OSTM1: variants seen among roughly 807,000 people sequenced by gnomAD.
OSTM1 encodes the protein osteoclastogenesis associated transmembrane protein 1.
Under a neutral mutation model 35.4 loss-of-function variants are expected in OSTM1, and 26 were observed. The ratio of observed to expected loss-of-function variants is 0.73; its 90% confidence interval spans 0.54 to 1.02. OSTM1 has a LOEUF of 1.02. Among genes scored for constraint, OSTM1 ranks in the 50% least tolerant of loss-of-function variants. The probability of loss-of-function intolerance (pLI) is 0.00; values close to 1 mark genes in which losing one functional copy is unlikely to be tolerated. For missense variants in OSTM1, 366 were observed against 409.6 expected (o/e 0.89, Z 0.92); for synonymous variants, 181 against 165.0 (o/e 1.10, Z -0.75).
intron 1 of OSTM1, 126 bp downstream of exon 1, chr6:108,074,124 C>G: frequency 1.1e-6 from 1 of 940,546 alleles, no homozygotes; most frequent in Non-Finnish European, 1.6e-6. Flanking sequence ...CCCAACTCTA[C>G]AGACTCAGTC....
At chr6:108,066,609 G>A (rs1772383012) in intron 1 of OSTM1, among the ~76,000 whole-genome samples, 1 of 152,198 alleles carries the variant, frequency 6.6e-6, no homozygotes, top group Non-Finnish European at 1.5e-5. Flanking sequence ...TAACAAGAAT[G>A]AATTTGATGG....
At chr6:108,058,917 C>T (rs533347535) in intron 2 of OSTM1, among the ~76,000 whole-genome samples, 1 of 152,286 alleles carries the variant, frequency 6.6e-6, no homozygotes, top group African/African-American at 2.4e-5. Flanking sequence ...GAATATACAT[C>T]GGGATTACAC....
rs1233850448 is a variant in OSTM1 at position 108,049,375 on chromosome 6, G to C, written c.827C>G (p.Ser276Ter). Residue 276 changes from serine to a stop codon, truncating the protein, a stop_gained, in exon 5 of 6, where the codon TCA (serine) becomes TGA (stop). Coordinates refer to ENST00000193322, the MANE Select transcript of OSTM1 (RefSeq NM_014028.4). LOFTEE classifies it high-confidence loss of function. ...RKLWSRTFNC[S>*]VPCSDTVPVI... ...AGGCACTGTGTCACTGCAAGGGACT[G>C]AACAGTTGAAAGTTCGACTCCATAG... 3 of 1,613,536 alleles carry C rather than the reference G, an allele frequency of 1.9e-6. No individual in the cohort carries two copies. The African/African-American group carries it at 4.0e-5, about 22-fold the overall frequency.
chr6:108,064,400 T>C, intron 1 of OSTM1, 101 bp from the exon 2 acceptor site: 1 of 716,530 alleles, frequency 1.4e-6, no homozygotes, highest in South Asian at 1.5e-5. Flanking sequence ...ATTATAAGCT[T>C]TTTAACATTT....
rs572211381 is a variant in OSTM1, at chr6:108,041,667, C to A, written c.*3118G>T. ...ACAATATTTAAGCATCTCAAGTCTCCATTTAAGAGTTGACTATCAAAGAAT... is the reference window on the plus strand; with the variant it reads ...ACAATATTTAAGCATCTCAAGTCTCAATTTAAGAGTTGACTATCAAAGAAT... On this transcript the variant is annotated 3_prime_UTR_variant, in exon 6 of 6. Coordinates refer to ENST00000193322, the MANE Select transcript of OSTM1 (RefSeq NM_014028.4). The A allele has an allele frequency of 6.6e-6, 1 of 152,142 alleles. No individual in the cohort carries two copies. The highest frequency in any genetic ancestry group is 1.5e-5 in the Non-Finnish European group (1 of 68,020). The allele number at this position is 152,142 out of a possible 1,614,324, so 9.4% of individuals were successfully genotyped here.
chr6:108,067,268 C>T (rs977600039), intron 1 of OSTM1, among the ~76,000 whole-genome samples: 1 of 152,176 alleles, frequency 6.6e-6, no homozygotes, highest in Non-Finnish European at 1.5e-5. Context: ...CCTACCCCTA[C>T]ATGCAACCTC....
At chr6:108,044,942 GT>G in intron 5 of OSTM1, 102 bp from the exon 6 acceptor site, 1 of 579,796 alleles carries the variant, frequency 1.7e-6, no homozygotes, top group Non-Finnish European at 2.8e-6. Flanking sequence ...TTAATTCTAT[GT>G]TTGAATCCTA....
intron 1 of OSTM1, among the ~76,000 whole-genome samples, chr6:108,066,939 T>G (rs1013529018): frequency 2.6e-5 from 4 of 152,164 alleles, no homozygotes; most frequent in African/African-American, 9.7e-5. Flanking sequence ...TACTTAGAAC[T>G]CTTAATACTC....
intron 3 of OSTM1, among the ~76,000 whole-genome samples, chr6:108,052,774 G>C (rs1353500093): frequency 1.3e-5 from 2 of 152,162 alleles, no homozygotes; most frequent in Non-Finnish European, 2.9e-5. Flanking sequence ...TGTTTCCAAA[G>C]ACTTTCTAAA....
In OSTM1 at chr6:108,074,232, A is replaced by C. The variant is rs751599370; in HGVS notation, c.402+18T>G. 6.2e-7 allele frequency: 1 copy of C among 1,610,720 alleles called. No homozygotes were observed. Among genetic ancestry groups the C allele is most frequent in the South Asian group, 1.1e-5 (1 of 90,770 alleles). On this transcript the variant is annotated intron_variant, in intron 1 of 5. Coordinates refer to ENST00000193322, the MANE Select transcript of OSTM1 (RefSeq NM_014028.4). Reference sequence around the variant, plus strand: ...CAACTCTCCTGAGCCACAGTCCCGGACGTGGTCCTGTACCCACCCCCGCGG... The same window carrying C: ...CAACTCTCCTGAGCCACAGTCCCGGCCGTGGTCCTGTACCCACCCCCGCGG...
At chr6:108,071,289 T>C (rs1369817964) in intron 1 of OSTM1, among the ~76,000 whole-genome samples, 3 of 151,778 alleles carry the variant, frequency 2.0e-5, no homozygotes, top group East Asian at 1.9e-4. Flanking sequence ...CATTTTTCCA[T>C]AGGTTTTTGT....
At chr6:108,046,665 TG>T (rs1159200396) in intron 5 of OSTM1, among the ~76,000 whole-genome samples, 1 of 152,158 alleles carries the variant, frequency 6.6e-6, no homozygotes, top group Non-Finnish European at 1.5e-5. Flanking sequence ...TTCTATCAAC[TG>T]TAAGTGGAAA....
At chr6:108,056,370 C>A (rs1382079453) in intron 2 of OSTM1, among the ~76,000 whole-genome samples, 1 of 152,214 alleles carries the variant, frequency 6.6e-6, no homozygotes, top group Non-Finnish European at 1.5e-5. Context: ...CACTCTCAAA[C>A]ACTGCAAAAT....
In OSTM1 at chr6:108,054,470, A is replaced by T; in HGVS notation, c.615+20T>A. The T allele has an allele frequency of 8.7e-7, 1 of 1,147,162 alleles. No homozygotes were observed. The highest frequency in any genetic ancestry group is 1.3e-6 in the Non-Finnish European group (1 of 776,874). 71.1% of individuals were successfully genotyped at this position (1,147,162 alleles called of 1,614,324 possible). ...TTGTACAAGGCAGCATTTTAATTTTAAATATTATATATAAAATACCTGAAG... is the reference window on the plus strand; with the variant it reads ...TTGTACAAGGCAGCATTTTAATTTTTAATATTATATATAAAATACCTGAAG... On this transcript the variant is annotated intron_variant, in intron 3 of 5. Transcript: ENST00000193322.
chr6:108,048,203 A>G (rs1222890954), intron 5 of OSTM1, among the ~76,000 whole-genome samples: 2 of 152,246 alleles, frequency 1.3e-5, no homozygotes, highest in Admixed American at 6.5e-5. Flanking sequence ...GTAGTGATCG[A>G]AATTTATAGG....
At chr6:108,068,785 T>C (rs1270220441) in intron 1 of OSTM1, among the ~76,000 whole-genome samples, 3 of 152,188 alleles carry the variant, frequency 2.0e-5, no homozygotes, top group Non-Finnish European at 4.4e-5. Context: ...TCTGATTATG[T>C]CATTCCACAG....
intron 3 of OSTM1, among the ~76,000 whole-genome samples, chr6:108,053,155 A>G (rs1430349670): frequency 6.6e-6 from 1 of 152,248 alleles, no homozygotes; most frequent in Non-Finnish European, 1.5e-5. Flanking sequence ...GGCTGCCAAT[A>G]TAGTAATTCT....
At chr6:108,068,196 C>T (rs542119533) in intron 1 of OSTM1, among the ~76,000 whole-genome samples, 2 of 152,150 alleles carry the variant, frequency 1.3e-5, no homozygotes, top group South Asian at 4.1e-4. Context: ...TCTTCCTTCT[C>T]AGTCACCTTT....
rs1771924292 is a variant in OSTM1 at position 108,044,167 on chromosome 6, A to G, written c.*618T>C. On this transcript the variant is annotated 3_prime_UTR_variant, in exon 6 of 6. Transcript: ENST00000193322. ...ACTATTTATAAAAGTCAAGTAAGAA[A>G]CCAGTTACCATAAATCTTTTTACAA... 6.6e-6 allele frequency: 1 copy of G among 152,624 alleles called. No individual in the cohort carries two copies. The highest frequency in any genetic ancestry group is 1.5e-5 in the Non-Finnish European group (1 of 68,036). 9.5% of individuals were successfully genotyped at this position (152,624 alleles called of 1,614,324 possible).
Sources: allele counts gnomAD v4.1 joint callset (sites outside exome capture counted in the v4.1 genomes callset), GRCh38; gene constraint gnomAD v4.1.1; transcripts MANE v1.5; gene names NCBI Gene and HGNC (gene_info 2026-07-23, HGNC 2026-07-21).